The following NEB variants were observed in gnomAD, a reference collection of about 807,000 sequenced individuals.
The protein encoded by NEB is nemaline myopathy type 2.
Under a neutral mutation model 952.2 loss-of-function variants are expected in NEB, and 512 were observed. The observed-to-expected ratio is 0.54, with a 90% CI of 0.50 to 0.58. The LOEUF is 0.58. Ranked by LOEUF, NEB falls within the 20% of genes least tolerant of loss-of-function variation. NEB has a pLI of 0.00. For missense variants in NEB, 8,428 were observed against 9,231.1 expected (o/e 0.91, Z 3.56); for synonymous variants, 2,900 against 3,149.8 (o/e 0.92, Z 2.66).
At chr2:151,578,698 A>AGAAGGAGGGAAGGAAGGAAG (rs1411035482) in intron 105 of NEB, among the ~76,000 whole-genome samples, 7 of 140,234 alleles carry the variant, frequency 5.0e-5, no homozygotes, top group African/African-American at 1.1e-4. Context: ...AAGGAAGGAG[A>AGAAGGAGGGAAGGAAGGAAG]GAAGGAGGGA....
intron 6 of NEB, among the ~76,000 whole-genome samples, 157 bp downstream of exon 6, chr2:151,725,296 C>T (rs185991970): frequency 6.6e-5 from 10 of 152,324 alleles, no homozygotes; most frequent in African/African-American, 1.4e-4. Context: ...TTCACATTTA[C>T]AGCAACATGA....
chr2:151,551,885 G>C, intron 128 of NEB, 40 bp from the exon 129 acceptor site: 1 of 1,445,496 alleles, frequency 6.9e-7, no homozygotes, highest in Admixed American at 1.9e-5. Flanking sequence ...AAAGAGAATG[G>C]GAACCCAGGT....
chr2:151,646,250 A>G lies in NEB; in HGVS notation c.7432-16T>C. ...TATAAAGTCTCTAAAATAAGAAATAATAATTTTTCAGTGGTGTTGTTAGAT... is the reference window on the plus strand; with the variant it reads ...TATAAAGTCTCTAAAATAAGAAATAGTAATTTTTCAGTGGTGTTGTTAGAT... On this transcript the variant is annotated splice_polypyrimidine_tract_variant and intron_variant, in intron 54 of 181. Coordinates refer to ENST00000397345, the MANE Select transcript of NEB (RefSeq NM_001164508.2). 1 of 1,534,616 alleles carries G rather than the reference A, an allele frequency of 6.5e-7. No individual in the cohort carries two copies.
chr2:151,662,535 C>A (rs2099160224), intron 45 of NEB, among the ~76,000 whole-genome samples, 194 bp from the exon 46 acceptor site: 1 of 152,176 alleles, frequency 6.6e-6, no homozygotes. Context: ...AAACTTTTAT[C>A]CTTTTTATAT....
At chr2:151,519,473 G>A (rs950939677) in intron 154 of NEB, among the ~76,000 whole-genome samples, 185 bp downstream of exon 154, 1 of 152,180 alleles carries the variant, frequency 6.6e-6, no homozygotes, top group Admixed American at 6.5e-5. Context: ...GGAGCTGACG[G>A]GAGGAGGGAA....
At chr2:151,643,510 A>C (rs1192247032) in intron 57 of NEB, among the ~76,000 whole-genome samples, 157 bp from the exon 58 acceptor site, 2 of 152,218 alleles carry the variant, frequency 1.3e-5, no homozygotes, top group Non-Finnish European at 2.9e-5. Context: ...TTTTGGTATG[A>C]ATTATAAATC....
chr2:151,559,106 C>CA (rs1247127786), intron 124 of NEB, among the ~76,000 whole-genome samples: 3 of 70,192 alleles, frequency 4.3e-5, no homozygotes, highest in Non-Finnish European at 9.0e-5. Flanking sequence ...AAAAAACAAA[C>CA]AACCCCATCA....
Position 151,491,684 on chromosome 2 carries a change from A to G in NEB, c.25149T>C (p.Asn8383=). The G allele has an allele frequency of 6.3e-7, 1 of 1,584,882 alleles. No individual in the cohort carries two copies. The highest frequency in any genetic ancestry group is 8.6e-7 in the Non-Finnish European group (1 of 1,163,480). Residue 8383 remains asparagine (N), a splice_region_variant and synonymous_variant, in exon 179 of 182, where the codon AAT becomes AAC. Transcript: ENST00000397345. ...NIQSRSLHMI[N]VQAQRRSREQ... is the part of the protein sequence containing the mutation. ...GTAAGCCTTTTTCAGCTAACACACC[A>G]TTAATCATGTGTAAGCTTCGGGACT...
intron 172 of NEB, 44 bp downstream of exon 172, chr2:151,496,897 T>C: frequency 5.4e-6 from 8 of 1,491,618 alleles, no homozygotes; most frequent in Non-Finnish European, 7.3e-6. Context: ...ATGAAATAGT[T>C]TTTAAAATCA....
At chr2:151,685,038 G>A in intron 27 of NEB, 63 bp from the exon 28 acceptor site, 1 of 1,436,028 alleles carries the variant, frequency 7.0e-7, no homozygotes, top group Non-Finnish European at 9.6e-7. Context: ...AAAAGACAGA[G>A]ATCTTTCATA....
Position 151,621,032 on chromosome 2 carries a change from GA to G in NEB, c.10453-7del. ...ATGGCCTGACGATAGAGGCTCTGAGGAAAGAAGGAGTAGCTTTTAAATATAG... is the reference window on the plus strand; with the variant it reads ...ATGGCCTGACGATAGAGGCTCTGAGGAAGAAGGAGTAGCTTTTAAATATAG... On this transcript the variant is annotated splice_region_variant and splice_polypyrimidine_tract_variant and intron_variant, in intron 71 of 181. Transcript: ENST00000397345. 1.3e-6 allele frequency: 2 copies of G among 1,591,298 alleles called. No individual in the cohort carries two copies. Among genetic ancestry groups the G allele is most frequent in the Admixed American group, 1.7e-5 (1 of 57,816 alleles).
rs759995909 is a variant in NEB at position 151,697,596 on chromosome 2, C to T, written c.1205G>A (p.Cys402Tyr). The T allele has an allele frequency of 6.2e-7, 1 of 1,612,930 alleles. No homozygotes were observed. Among genetic ancestry groups the T allele is most frequent in the East Asian group, 2.2e-5 (1 of 44,874 alleles). ...ATCGAGCTTGAATTTGGGGGTCTCG[C>T]AGTAATTTATGCTCTTTGCTTTTGT... The part of the protein sequence containing the change: ...EKTKAKSINY[C>Y]ETPKFKLDTV... The change falls in exon 14 of 182, where the codon TGC becomes TAC. Residue 402 changes from cysteine to tyrosine, a missense_variant. Coordinates refer to ENST00000397345, the MANE Select transcript of NEB (RefSeq NM_001164508.2).
intron 67 of NEB, among the ~76,000 whole-genome samples, chr2:151,630,120 A>G (rs577666822): frequency 1.3e-5 from 2 of 152,330 alleles, no homozygotes; most frequent in East Asian, 3.9e-4. Context: ...AAAGACAAAT[A>G]AGAAAAATTA....
chr2:151,553,943 T>A lies in NEB; in HGVS notation c.19511A>T (p.Asp6504Val), dbSNP rs1453331792. 2 of 1,613,930 alleles carry A rather than the reference T, an allele frequency of 1.2e-6. No individual in the cohort carries two copies. The highest frequency in any genetic ancestry group is 3.3e-5 in the Admixed American group (2 of 60,024). The change falls in exon 126 of 182, where the codon GAT (aspartate) becomes GTT (valine). Residue 6504 changes from aspartate (D) to valine (V), a missense_variant. Physicochemically the swap from Asp to Val is radical, Grantham distance 152 (BLOSUM62 -3). Coordinates refer to ENST00000397345, the MANE Select transcript of NEB (RefSeq NM_001164508.2). ...AATCTCACTGACTTTCTTCTGGGAATCCTTGGCAGTAACCATCTCTACCAT... is the reference window on the plus strand; with the variant it reads ...AATCTCACTGACTTTCTTCTGGGAAACCTTGGCAGTAACCATCTCTACCAT... ...PDMVEMVTAKDSQKKVSEIDY... is the reference protein window; with the variant it reads ...PDMVEMVTAKVSQKKVSEIDY...
At chr2:151,531,617 A>G (rs1281269829) in intron 144 of NEB, among the ~76,000 whole-genome samples, 175 bp downstream of exon 144, 2 of 152,136 alleles carry the variant, frequency 1.3e-5, no homozygotes, top group African/African-American at 4.8e-5. Context: ...ACGCCCGGCC[A>G]CAACAATTCT....
rs755926462 is a variant in NEB, at chr2:151,727,757, C to T, written c.228G>A (p.Val76=). ...VERRKVIRKK[V]DPSKFMTPYI... is the part of the protein sequence containing the mutation. ...AGGGGGTCATGAACTTTGAAGGATC[C>T]ACTTTCTTCCGGATGACCTTCCTCC... Residue 76 remains valine, a synonymous_variant, in exon 5 of 182, where the codon GTG becomes GTA. Coordinates refer to ENST00000397345, the MANE Select transcript of NEB (RefSeq NM_001164508.2). 6 of 1,613,700 alleles carry T rather than the reference C, an allele frequency of 3.7e-6. No homozygotes were observed. Among genetic ancestry groups the T allele is most frequent in the South Asian group, 3.3e-5 (3 of 91,090 alleles).
At chr2:151,611,302 G>T (rs957790349) in intron 78 of NEB, among the ~76,000 whole-genome samples, 1 of 152,096 alleles carries the variant, frequency 6.6e-6, no homozygotes, top group African/African-American at 2.4e-5. Flanking sequence ...TTTCTGAGAG[G>T]GGGATAATCA....
Position 151,560,998 on chromosome 2 carries a change from A to T in NEB, c.19206+6T>A, listed in dbSNP as rs763702027. The T allele has an allele frequency of 3.8e-6, 6 of 1,579,238 alleles. No homozygotes were observed. The highest frequency in any genetic ancestry group is 5.2e-6 in the Non-Finnish European group (6 of 1,153,030). The stretch of plus-strand genomic sequence containing the variant: ...ATATATAAGGGGGAAAAAAAACTCA[A>T]CTCACACTGCTGTAAAGATTCTTCA... On this transcript the variant is annotated splice_donor_region_variant and intron_variant, in intron 123 of 181. Transcript: ENST00000397345.
chr2:151,622,223 G>A (rs1020519889), intron 71 of NEB, among the ~76,000 whole-genome samples: 4 of 152,078 alleles, frequency 2.6e-5, no homozygotes, highest in African/African-American at 9.7e-5. Context: ...TTGAACTCAA[G>A]TGATCCCTCC....
Sources: gnomAD v4.1 joint callset for allele counts (sites outside exome capture counted in the v4.1 genomes callset) on GRCh38, gnomAD v4.1.1 for gene constraint, MANE v1.5 for transcripts, NCBI Gene and HGNC (gene_info 2026-07-23, HGNC 2026-07-21) for gene names.